CHD7: variants seen among roughly 807,000 people sequenced by gnomAD.
CHD7 encodes chromodomain helicase DNA binding protein 7.
In CHD7, 24 loss-of-function variants were observed where a neutral mutation model predicts 307.3. The ratio of observed to expected loss-of-function variants is 0.08; its 90% CI spans 0.06 to 0.11. CHD7 has a LOEUF of 0.11. CHD7 is among the 10% of genes least tolerant of loss of function. CHD7 has a pLI of 1.00. For synonymous variants in CHD7, 1,363 were observed against 1,349.9 expected, an observed-to-expected ratio of 1.01 and a Z score of -0.21; for missense variants, 3,106 against 3,727.1, an observed-to-expected ratio of 0.83 and a Z score of 4.34.
intron 2 of CHD7, among the ~76,000 whole-genome samples, chr8:60,775,222 T>C (rs1239213819): frequency 1.3e-5 from 2 of 152,170 alleles, no homozygotes; most frequent in East Asian, 1.9e-4. Context: ...TAAAATTTAA[T>C]GATTCTGAGG....
chr8:60,818,281 G>T (rs983975283), intron 8 of CHD7, among the ~76,000 whole-genome samples: 1 of 152,206 alleles, frequency 6.6e-6, no homozygotes, highest in South Asian at 2.1e-4. Flanking sequence ...AACTAAAAAT[G>T]TCTATTCAAA....
rs267601960 is a variant in CHD7, at chr8:60,741,504, C to T, written c.72C>T (p.Leu24=). ...GNIFSEGLEG[L]GECGYPENPV... ...TTTTCAGTGAAGGTCTTGAAGGCCTCGGAGAATGTGGTTACCCGGAAAATC... is the reference window on the plus strand; with the variant it reads ...TTTTCAGTGAAGGTCTTGAAGGCCTTGGAGAATGTGGTTACCCGGAAAATC... Residue 24 remains leucine, a synonymous_variant, in exon 2 of 38, where the codon CTC becomes CTT. Transcript: ENST00000423902. 1.6e-5 allele frequency: 26 copies of T among 1,612,628 alleles called. No individual in the cohort carries two copies. The highest frequency in any genetic ancestry group is 1.3e-4 in the East Asian group (6 of 44,862).
chr8:60,690,162 TAC>T (rs1156438894), intron 1 of CHD7, among the ~76,000 whole-genome samples: 1 of 150,160 alleles, frequency 6.7e-6, no homozygotes, highest in Non-Finnish European at 1.5e-5. Context: ...TCTTACATGT[TAC>T]AGAGTGGGTG....
intron 23 of CHD7, among the ~76,000 whole-genome samples, chr8:60,847,242 T>G (rs1805253138): frequency 6.6e-6 from 1 of 152,118 alleles, no homozygotes. Context: ...GATGTGTGAT[T>G]GGGAGTTGTC....
At chr8:60,771,794 C>T (rs1810726185) in intron 2 of CHD7, among the ~76,000 whole-genome samples, 1 of 152,170 alleles carries the variant, frequency 6.6e-6, no homozygotes, top group East Asian at 1.9e-4. Context: ...CCTGGGGCCA[C>T]CTTCAGCTCC....
At chr8:60,728,555 T>G (rs968402081) in intron 1 of CHD7, among the ~76,000 whole-genome samples, 2 of 152,312 alleles carry the variant, frequency 1.3e-5, no homozygotes, top group South Asian at 4.2e-4. Context: ...TGAGACAGTC[T>G]CGCTCTGTCG....
At chr8:60,822,855 G>C (rs568894715) in intron 12 of CHD7, 109 bp downstream of exon 12, 1 of 955,594 alleles carries the variant, frequency 1.0e-6, no homozygotes, top group Non-Finnish European at 1.5e-6. Flanking sequence ...GCCAAATTGA[G>C]AAATTTGCTT....
At chr8:60,812,834 G>C (rs62526522) in intron 7 of CHD7, among the ~76,000 whole-genome samples, 21,961 of 151,798 alleles carry the variant, frequency 0.14, 2,053 homozygotes, top group East Asian at 0.28. Flanking sequence ...ACTGCTTAGG[G>C]AGGCTTTATA....
intron 2 of CHD7, among the ~76,000 whole-genome samples, chr8:60,750,083 C>T (rs528801682): frequency 2.6e-5 from 4 of 152,294 alleles, no homozygotes; most frequent in South Asian, 2.1e-4. Context: ...CTGATAGCCT[C>T]GCTCCTTAGA....
intron 4 of CHD7, among the ~76,000 whole-genome samples, chr8:60,799,933 A>T (rs1812213998): frequency 6.6e-6 from 1 of 152,094 alleles, no homozygotes; most frequent in Non-Finnish European, 1.5e-5. Context: ...TAGCACTGTG[A>T]TCTTTTCACA....
At chr8:60,804,671 C>T in intron 6 of CHD7, among the ~76,000 whole-genome samples, 1 of 152,318 alleles carries the variant, frequency 6.6e-6, no homozygotes, top group East Asian at 1.9e-4. Context: ...TATTATTTGA[C>T]AGAGTGTTCT....
intron 1 of CHD7, among the ~76,000 whole-genome samples, chr8:60,713,725 T>A (rs1425996035): frequency 6.6e-6 from 1 of 152,140 alleles, no homozygotes; most frequent in Non-Finnish European, 1.5e-5. Context: ...TGTTGCTGCC[T>A]GGGGTAAACC....
At chr8:60,682,689 A>G (rs968941053) in intron 1 of CHD7, among the ~76,000 whole-genome samples, 13 of 152,248 alleles carry the variant, frequency 8.5e-5, no homozygotes, top group African/African-American at 2.7e-4. Flanking sequence ...GAGCAGTTCT[A>G]TAGGTAAGCA....
intron 15 of CHD7, among the ~76,000 whole-genome samples, chr8:60,832,384 T>A (rs1386579995): frequency 6.6e-6 from 1 of 152,130 alleles, no homozygotes; most frequent in Non-Finnish European, 1.5e-5. Context: ...TGTGTGATGA[T>A]TATGTATCTG....
intron 2 of CHD7, among the ~76,000 whole-genome samples, chr8:60,755,853 T>C (rs901817300): frequency 6.6e-6 from 1 of 152,220 alleles, no homozygotes; most frequent in African/African-American, 2.4e-5. Context: ...TTTTCCAAGT[T>C]ATTTTTTAAA....
At chr8:60,819,520 T>C (rs1803921374) in intron 8 of CHD7, among the ~76,000 whole-genome samples, 1 of 152,214 alleles carries the variant, frequency 6.6e-6, no homozygotes. Context: ...ACTCTGATCA[T>C]GCTAAAATAT....
At chr8:60,776,399 A>G (rs1810954047) in intron 2 of CHD7, among the ~76,000 whole-genome samples, 1 of 152,214 alleles carries the variant, frequency 6.6e-6, no homozygotes, top group Non-Finnish European at 1.5e-5. Context: ...CTATCCGCTC[A>G]TCTTGATCTC....
At chr8:60,763,486 T>C (rs1206317268) in intron 2 of CHD7, among the ~76,000 whole-genome samples, 1 of 151,980 alleles carries the variant, frequency 6.6e-6, no homozygotes, top group Non-Finnish European at 1.5e-5. Context: ...GAGTAGAACT[T>C]TACAGGATGA....
intron 12 of CHD7, among the ~76,000 whole-genome samples, chr8:60,823,235 T>C (rs1040198658): frequency 1.3e-5 from 2 of 152,214 alleles, no homozygotes; most frequent in Non-Finnish European, 2.9e-5. Context: ...AATTTTTTTC[T>C]TACTCTAGTT....
Sources: allele counts gnomAD v4.1 joint callset (sites outside exome capture counted in the v4.1 genomes callset), GRCh38; gene constraint gnomAD v4.1.1; transcripts MANE v1.5; gene names NCBI Gene and HGNC (gene_info 2026-07-23, HGNC 2026-07-21).